Variants in ZNF451 observed in about 807,000 individuals in gnomAD.
ZNF451 encodes the protein zinc finger protein 451.
ZNF451 carries 80 observed loss-of-function variants against 107.1 expected under a neutral mutation model. The ratio of observed to expected loss-of-function variants is 0.75; its 90% CI spans 0.62 to 0.90. ZNF451 has a LOEUF of 0.90. ZNF451 is among the 40% of genes least tolerant of loss of function. The pLI is 0.00. For synonymous variants in ZNF451, 362 were observed against 406.5 expected, an observed-to-expected ratio of 0.89 and a Z score of 1.32; for missense variants, 1,107 against 1,236.2, an observed-to-expected ratio of 0.90 and a Z score of 1.57.
At chr6:57,103,915 C>T (rs1829723301) in intron 3 of ZNF451, 1 of 985,178 alleles carries the variant, frequency 1.0e-6, no homozygotes, top group South Asian at 4.7e-5. Context: ...ATTTGTGCTA[C>T]AGAGGTTGAT....
chr6:57,163,341 C>T (rs946146907), intron 14 of ZNF451, among the ~76,000 whole-genome samples: 2 of 150,954 alleles, frequency 1.3e-5, no homozygotes, highest in Admixed American at 1.3e-4. Flanking sequence ...TGACTGTAAG[C>T]TCCTTAGGGA....
At chr6:57,160,863 A>G (rs1376373486) in intron 13 of ZNF451, 2 of 395,724 alleles carry the variant, frequency 5.1e-6, no homozygotes, top group East Asian at 7.8e-5. Flanking sequence ...TGTTATCTCC[A>G]TAGAGATGAA....
chr6:57,108,780 G>A (rs1829986604), intron 3 of ZNF451: 1 of 985,302 alleles, frequency 1.0e-6, no homozygotes, highest in Admixed American at 6.2e-5. Flanking sequence ...CATTTGTATA[G>A]TCTGTAGTAC....
intron 7 of ZNF451, among the ~76,000 whole-genome samples, chr6:57,139,230 G>C (rs1227464191): frequency 6.6e-6 from 1 of 152,084 alleles, no homozygotes; most frequent in Non-Finnish European, 1.5e-5. Flanking sequence ...AGTGAAAGCA[G>C]CATATAATTC....
intron 14 of ZNF451, among the ~76,000 whole-genome samples, chr6:57,167,180 T>TACACACAC (rs199786089): frequency 6.6e-6 from 1 of 150,810 alleles, no homozygotes; most frequent in African/African-American, 2.5e-5. Flanking sequence ...TTCGTATATA[T>TACACACAC]ATACACACAC....
intron 3 of ZNF451, among the ~76,000 whole-genome samples, chr6:57,113,620 A>AATTT (rs1329403098): frequency 7.3e-6 from 1 of 137,234 alleles, no homozygotes; most frequent in African/African-American, 2.7e-5. Context: ...AGAAAAAAAA[A>AATTT]TTTTTTTTTT....
intron 14 of ZNF451, chr6:57,165,099 T>C (rs1763836908): frequency 1.3e-5 from 2 of 152,226 alleles, no homozygotes. Flanking sequence ...TGGTTTTTTA[T>C]AAGAAATCAG....
chr6:57,093,926 A>G (rs1251957683), intron 2 of ZNF451, among the ~76,000 whole-genome samples: 1 of 152,266 alleles, frequency 6.6e-6, no homozygotes, highest in East Asian at 1.9e-4. Context: ...GTTGCCTGTC[A>G]GGACTGCACA....
intron 13 of ZNF451, chr6:57,159,399 T>C: frequency 1.0e-6 from 1 of 985,400 alleles, no homozygotes; most frequent in Non-Finnish European, 1.2e-6. Context: ...CTGTGGGTAT[T>C]TTCCTTTTGT....
chr6:57,099,018 GA>G, intron 2 of ZNF451, 42 bp from the exon 3 acceptor site: 1 of 1,530,866 alleles, frequency 6.5e-7, no homozygotes, highest in Non-Finnish European at 9.0e-7. Context: ...AATTTGGTTT[GA>G]ATAACTGTTA....
intron 13 of ZNF451, among the ~76,000 whole-genome samples, chr6:57,155,355 G>A (rs1191876662): frequency 2.0e-5 from 3 of 151,976 alleles, no homozygotes; most frequent in East Asian, 1.9e-4. Context: ...GCATGGTGGC[G>A]GTTGCCTGTA....
chr6:57,105,410 T>C, intron 3 of ZNF451: 4 of 985,352 alleles, frequency 4.1e-6, no homozygotes, highest in Non-Finnish European at 4.8e-6. Flanking sequence ...ACACTTTTCT[T>C]TAAAACTTAA....
At chr6:57,150,524 A>G in intron 10 of ZNF451, 195 bp from the exon 11 acceptor site, 2 of 440,208 alleles carry the variant, frequency 4.5e-6, no homozygotes, top group South Asian at 1.8e-4. Context: ...TGAAATGTTC[A>G]GATTATTTTT....
At chr6:57,135,997 C>CAT (rs1831408453) in intron 7 of ZNF451, among the ~76,000 whole-genome samples, 1 of 152,106 alleles carries the variant, frequency 6.6e-6, no homozygotes, top group African/African-American at 2.4e-5. Context: ...AGCTTGCATT[C>CAT]TAAGTATATC....
chr6:57,120,364 A>G (rs939103178), intron 3 of ZNF451, among the ~76,000 whole-genome samples: 2 of 152,240 alleles, frequency 1.3e-5, no homozygotes, highest in Non-Finnish European at 2.9e-5. Flanking sequence ...CACTTATGAT[A>G]CAGTTGCTGT....
rs1024304155 is a variant in ZNF451, at chr6:57,110,808, T to A, written c.186+11667T>A. ...CAGATAGGAAACTGGGTTGTAGACC[T>A]TGTCCCAGTAATATCTCCAGCAGCT... On this transcript the variant is annotated intron_variant, in intron 3 of 14. Transcript: ENST00000370706. Among the ~76,000 whole-genome samples the A allele has an allele frequency of 5.9e-5, 9 of 152,300 alleles. No homozygotes were observed. The East Asian group carries it at 1.5e-3, about 26-fold the overall frequency.
chr6:57,162,438 T>A (rs1248912395), intron 14 of ZNF451, among the ~76,000 whole-genome samples: 1 of 152,230 alleles, frequency 6.6e-6, no homozygotes, highest in Non-Finnish European at 1.5e-5. Context: ...TTTCATTGGT[T>A]AAACAAAACT....
intron 3 of ZNF451, chr6:57,100,866 A>C (rs1440482060): frequency 6.5e-7 from 1 of 1,549,412 alleles, no homozygotes; most frequent in African/African-American, 1.4e-5. Context: ...CTTCATCTCC[A>C]CTTCTGGTCC....
chr6:57,092,504 A>G (rs1829097146), intron 2 of ZNF451, among the ~76,000 whole-genome samples: 1 of 152,212 alleles, frequency 6.6e-6, no homozygotes, highest in Non-Finnish European at 1.5e-5. Flanking sequence ...TGTAATTACA[A>G]TACTAGAAGA....
Sources: allele counts gnomAD v4.1 joint callset (sites outside exome capture counted in the v4.1 genomes callset), GRCh38; gene constraint gnomAD v4.1.1; transcripts MANE v1.5; gene names NCBI Gene and HGNC (gene_info 2026-07-23, HGNC 2026-07-21).